Variants in DGAT2 observed in about 807,000 individuals in gnomAD.
The protein encoded by DGAT2 is diacylglycerol O-acyltransferase 2.
In DGAT2, 33 loss-of-function variants were observed where a neutral mutation model predicts 48.4. That is an observed-to-expected ratio of 0.68 (90% CI 0.52 to 0.91). DGAT2 has a LOEUF of 0.91. Ranked by LOEUF, DGAT2 falls within the 40% of genes least tolerant of loss-of-function variation. The pLI, the probability that DGAT2 is intolerant of heterozygous loss-of-function variation, is 0.00. For synonymous variants in DGAT2, 191 were observed against 194.1 expected (o/e 0.98, Z 0.13); for missense variants, 446 against 493.7 (o/e 0.90, Z 0.92).
intron 4 of DGAT2, chr11:75,794,938 T>A (rs1054165996): frequency 1.1e-4 from 1 of 8,868 alleles, no homozygotes; most frequent in Admixed American, 8.2e-4. Context: ...TCCCCTCCCC[T>A]CCCCCTCCTC....
chr11:75,779,160 G>A (rs1236566571), intron 1 of DGAT2, among the ~76,000 whole-genome samples: 2 of 152,158 alleles, frequency 1.3e-5, no homozygotes, highest in Admixed American at 1.3e-4. Flanking sequence ...CCAGCCCTGG[G>A]CTGGGCCCTG....
rs1565316149 is a variant in DGAT2 at position 75,784,609 on chromosome 11, C to T, written c.122-9C>T. The T allele has an allele frequency of 8.7e-6, 14 of 1,613,916 alleles. No individual in the cohort carries two copies. Among genetic ancestry groups the T allele is most frequent in the South Asian group, 1.1e-5 (1 of 91,074 alleles). ...GTGACAGTGGACTGACATCTTCCCTCTGCTGTAGGCACTGGATCCAGCATC... is the reference window on the plus strand; with the variant it reads ...GTGACAGTGGACTGACATCTTCCCTTTGCTGTAGGCACTGGATCCAGCATC... On this transcript the variant is annotated splice_polypyrimidine_tract_variant and intron_variant, in intron 1 of 7. Transcript: ENST00000228027.
At chr11:75,796,837 A>C in intron 5 of DGAT2, 1 of 470,532 alleles carries the variant, frequency 2.1e-6, no homozygotes, top group Non-Finnish European at 3.8e-6. Context: ...GTAATTGTCC[A>C]CCTGCCTGAG....
At chr11:75,791,375 C>T (rs1004966152) in intron 4 of DGAT2, among the ~76,000 whole-genome samples, 1 of 152,194 alleles carries the variant, frequency 6.6e-6, no homozygotes, top group East Asian at 1.9e-4. Flanking sequence ...TTAGCCTAAG[C>T]CCAGTCTTCC....
In DGAT2 at chr11:75,800,253, A is replaced by G. The variant is rs1590878873; in HGVS notation, c.1013-101A>G. ...TAAAGCATTTGGCACAGTTCCTTCC[A>G]CATGGCGGGCCCACAGCCCAGCGTC... is the stretch of plus-strand genomic sequence containing the variant. On this transcript the variant is annotated intron_variant, in intron 7 of 7. Transcript: ENST00000228027. 3.6e-6 allele frequency: 5 copies of G among 1,397,208 alleles called. No individual in the cohort carries two copies. In the East Asian group the frequency reaches 9.9e-5, roughly 28 times the overall value. The allele number at this position is 1,397,208 out of a possible 1,614,324, so 86.6% of individuals were successfully genotyped here. A position where few individuals can be genotyped will look rare whatever the true frequency, so the allele number is the denominator to read the frequency against.
At position 75,780,930 on chromosome 11, in the gene DGAT2, C is replaced by T. The variant is rs138689928; in HGVS notation, c.122-3688C>T. Among the ~76,000 whole-genome samples, 708 of 152,334 alleles carry T rather than the reference C, an allele frequency of 4.6e-3. 4 individuals are homozygous for T. The highest frequency in any genetic ancestry group is 0.016 in the African/African-American group (647 of 41,574). ...ACTCAGCCCTGCATGGAGGGAACTCCGGGGGCCTGAAGAGTGGCCAGAGCA... is the reference window on the plus strand; with the variant it reads ...ACTCAGCCCTGCATGGAGGGAACTCTGGGGGCCTGAAGAGTGGCCAGAGCA... On this transcript the variant is annotated intron_variant, in intron 1 of 7. Transcript: ENST00000228027.
chr11:75,793,710 C>T (rs1055002338), intron 4 of DGAT2: 1 of 152,374 alleles, frequency 6.6e-6, no homozygotes. Flanking sequence ...TGATGGTCAC[C>T]TGCCAGGGTA....
chr11:75,797,312 G>T lies in DGAT2; in HGVS notation c.789G>T (p.Val263=). ...CCCTGCGGAACCGCAAGGGCTTTGT[G>T]AAACTGGCCCTGCGTCATGGGTGAG... ...AVTLRNRKGF[V]KLALRHGADL... The change falls in exon 6 of 8, where the codon GTG becomes GTT. Residue 263 remains valine, a synonymous_variant. Coordinates refer to ENST00000228027, the MANE Select transcript of DGAT2 (RefSeq NM_032564.5). 10 of 1,528,544 alleles carry T rather than the reference G, an allele frequency of 6.5e-6. No individual in the cohort carries two copies. Among genetic ancestry groups the T allele is most frequent in the Non-Finnish European group, 8.8e-6 (10 of 1,135,710 alleles). The allele number at this position is 1,528,544 out of a possible 1,614,324, so 94.7% of individuals were successfully genotyped here. A position where few individuals can be genotyped will look rare whatever the true frequency, so the allele number is the denominator to read the frequency against.
intron 2 of DGAT2, among the ~76,000 whole-genome samples, chr11:75,789,832 G>A (rs1382269073): frequency 6.6e-6 from 1 of 152,202 alleles, no homozygotes; most frequent in Non-Finnish European, 1.5e-5. Context: ...TATCCACAGT[G>A]TCTGGGCTGG....
At chr11:75,790,832 GTCTCT>G in intron 4 of DGAT2, 101 bp downstream of exon 4, 1 of 1,209,526 alleles carries the variant, frequency 8.3e-7, no homozygotes, top group Non-Finnish European at 1.2e-6. Flanking sequence ...GACCAAGTTG[GTCTCT>G]TCATTTCCTT....
chr11:75,798,184 G>A, intron 6 of DGAT2, 43 bp from the exon 7 acceptor site: 1 of 1,601,644 alleles, frequency 6.2e-7, no homozygotes, highest in Non-Finnish European at 8.5e-7. Context: ...AGAAACTGAA[G>A]CCAGTAAGTA....
At chr11:75,774,812 C>A (rs1944789495) in intron 1 of DGAT2, among the ~76,000 whole-genome samples, 1 of 152,182 alleles carries the variant, frequency 6.6e-6, no homozygotes, top group Non-Finnish European at 1.5e-5. Context: ...GTGACCTACT[C>A]GCAAGCTAGT....
At chr11:75,790,446 C>T (rs1049291473) in intron 3 of DGAT2, 151 bp downstream of exon 3, 8 of 821,520 alleles carry the variant, frequency 9.7e-6, no homozygotes, top group Non-Finnish European at 1.4e-5. Flanking sequence ...GGTTAAAAGC[C>T]CCTCAAAGGG....
chr11:75,771,857 A>C (rs1944761228), intron 1 of DGAT2, among the ~76,000 whole-genome samples: 1 of 152,170 alleles, frequency 6.6e-6, no homozygotes, highest in Non-Finnish European at 1.5e-5. Context: ...CTCAATGGTC[A>C]GTGTTGAAAT....
At chr11:75,795,225 A>G (rs920433568) in intron 4 of DGAT2, 2 of 151,892 alleles carry the variant, frequency 1.3e-5, no homozygotes, top group Non-Finnish European at 2.9e-5. Context: ...GCGTTTCACC[A>G]TGTTGCCCAG....
chr11:75,790,629 C>A, intron 3 of DGAT2, 32 bp from the exon 4 acceptor site: 1 of 1,609,188 alleles, frequency 6.2e-7, no homozygotes, highest in South Asian at 1.1e-5. Flanking sequence ...GTACCCCCAC[C>A]CCCACCAACT....
chr11:75,794,148 G>GCAGCGTCAGAGCTGGGAGTGGTGCCAGC (rs1945021710), intron 4 of DGAT2: 2 of 152,274 alleles, frequency 1.3e-5, no homozygotes, highest in Admixed American at 1.3e-4. Flanking sequence ...GCACAGACTG[G>GCAGCGTCAGAGCTGGGAGTGGTGCCAGC]CAGCGTCAGA....
chr11:75,782,673 A>T (rs1200770662), intron 1 of DGAT2, among the ~76,000 whole-genome samples: 8 of 152,226 alleles, frequency 5.3e-5, no homozygotes, highest in Non-Finnish European at 1.0e-4. Flanking sequence ...TGAGACCCTC[A>T]AGGATAAGCA....
In DGAT2 at chr11:75,768,955, G is replaced by A. The variant is rs1212876054; in HGVS notation, c.-37G>A. The A allele has an allele frequency of 6.9e-7, 1 of 1,448,222 alleles. No individual in the cohort carries two copies. Among genetic ancestry groups the A allele is most frequent in the Non-Finnish European group, 9.1e-7 (1 of 1,102,494 alleles). 89.7% of individuals were successfully genotyped at this position (1,448,222 alleles called of 1,614,324 possible). ...ATGGGCCAGGGGCGCGGGGTGAAGC[G>A]GCTTCCCGCGGGGCCGTGACTGGGC... On this transcript the variant is annotated 5_prime_UTR_variant, in exon 1 of 8. Transcript: ENST00000228027.
Sources: gnomAD v4.1 joint callset for allele counts (sites outside exome capture counted in the v4.1 genomes callset) on GRCh38, gnomAD v4.1.1 for gene constraint, MANE v1.5 for transcripts, NCBI Gene and HGNC (gene_info 2026-07-23, HGNC 2026-07-21) for gene names.